The following INTS9 variants were observed in gnomAD, a reference collection of about 807,000 sequenced individuals.
INTS9 encodes the protein protein related to CPSF subunits of 74 kDa.
A neutral mutation model predicts 79.7 loss-of-function variants in INTS9; 55 were observed. The ratio of observed to expected loss-of-function variants is 0.69; its 90% CI spans 0.56 to 0.86. The LOEUF is 0.86. Ranked by LOEUF, INTS9 falls within the 40% of genes least tolerant of loss-of-function variation. INTS9 has a pLI of 0.00. For synonymous variants in INTS9, 319 were observed against 325.2 expected (o/e 0.98, Z 0.20); for missense variants, 721 against 831.5 (o/e 0.87, Z 1.64).
At chr8:28,769,793 G>A (rs1236837967) in intron 16 of INTS9, 96 bp downstream of exon 16, 2 of 1,482,786 alleles carry the variant, frequency 1.3e-6, no homozygotes, top group Non-Finnish European at 1.8e-6. Flanking sequence ...TAAGTGACAA[G>A]CAGCAACATC....
intron 1 of INTS9, among the ~76,000 whole-genome samples, chr8:28,865,064 T>C (rs1178081654): frequency 7.1e-6 from 1 of 141,166 alleles, no homozygotes; most frequent in Admixed American, 7.0e-5. Flanking sequence ...GAAGAAAAAA[T>C]AAAAACAAAA....
At chr8:28,846,031 A>C (rs1024588863) in intron 4 of INTS9, among the ~76,000 whole-genome samples, 2 of 152,242 alleles carry the variant, frequency 1.3e-5, no homozygotes, top group Non-Finnish European at 2.9e-5. Context: ...TATTTTCTAC[A>C]GGCACTGCGA....
At chr8:28,843,097 G>A (rs796541200) in intron 4 of INTS9, among the ~76,000 whole-genome samples, 17 of 152,288 alleles carry the variant, frequency 1.1e-4, no homozygotes, top group African/African-American at 3.9e-4. Context: ...GGTACTTCTC[G>A]ACTTCAGGGA....
At chr8:28,874,289 G>GTT (rs780879321) in intron 1 of INTS9, among the ~76,000 whole-genome samples, 3 of 142,194 alleles carry the variant, frequency 2.1e-5, no homozygotes, top group Admixed American at 7.1e-5. Context: ...TATTTAAACT[G>GTT]TTTTTTTTTT....
chr8:28,789,130 A>C (rs1476886972), intron 10 of INTS9, among the ~76,000 whole-genome samples: 1 of 152,230 alleles, frequency 6.6e-6, no homozygotes, highest in East Asian at 1.9e-4. Flanking sequence ...TATATTATCT[A>C]AATAGACACT....
chr8:28,790,548 G>A (rs1331056755), intron 10 of INTS9, among the ~76,000 whole-genome samples: 1 of 152,036 alleles, frequency 6.6e-6, no homozygotes, highest in African/African-American at 2.4e-5. Flanking sequence ...GGCTGATCTC[G>A]AACTCCTGGC....
chr8:28,826,592 G>A (rs1806160749), intron 6 of INTS9, among the ~76,000 whole-genome samples: 1 of 152,194 alleles, frequency 6.6e-6, no homozygotes, highest in Non-Finnish European at 1.5e-5. Context: ...TCCTGAGTGT[G>A]AGGTAGATCA....
chr8:28,812,262 G>C, intron 8 of INTS9, 65 bp downstream of exon 8: 1 of 1,493,732 alleles, frequency 6.7e-7, no homozygotes, highest in Non-Finnish European at 9.3e-7. Context: ...TGGTTCCTTG[G>C]ATACATTCTG....
At chr8:28,778,848 C>T (rs1803066146) in intron 12 of INTS9, among the ~76,000 whole-genome samples, 1 of 152,182 alleles carries the variant, frequency 6.6e-6, no homozygotes, top group Non-Finnish European at 1.5e-5. Context: ...TACATAAATG[C>T]CCATTCCAGT....
At chr8:28,826,531 G>T (rs1019977503) in intron 6 of INTS9, among the ~76,000 whole-genome samples, 3 of 152,136 alleles carry the variant, frequency 2.0e-5, no homozygotes, top group Non-Finnish European at 4.4e-5. Context: ...TTCTGCCATG[G>T]CTCCAAGTGA....
At chr8:28,869,971 T>G (rs1329825782) in intron 1 of INTS9, among the ~76,000 whole-genome samples, 1 of 151,604 alleles carries the variant, frequency 6.6e-6, no homozygotes, top group Non-Finnish European at 1.5e-5. Context: ...AAAAGCAAAA[T>G]TTCCCCAAGA....
rs556690941 is a variant in INTS9 at position 28,867,447 on chromosome 8, G to A, written c.10-7884C>T. On this transcript the variant is annotated intron_variant, in intron 1 of 16. Coordinates refer to ENST00000521022, the MANE Select transcript of INTS9 (RefSeq NM_018250.4). ...AAAAAAATTAGCCAGGTGTGGTGGC[G>A]TGAGCCTTAATCCCAGCTACTTGGG... Among the ~76,000 whole-genome samples, 4 of 151,528 alleles carry A rather than the reference G, an allele frequency of 2.6e-5. No homozygotes were observed. The East Asian group carries it at 5.8e-4, about 22-fold the overall frequency.
intron 10 of INTS9, 79 bp from the exon 11 acceptor site, chr8:28,787,968 A>G: frequency 1.2e-6 from 1 of 853,430 alleles, no homozygotes; most frequent in Non-Finnish European, 1.9e-6. Flanking sequence ...GCAGCAGTGC[A>G]AATATTAAAT....
At chr8:28,784,553 T>G (rs1371802364) in intron 11 of INTS9, among the ~76,000 whole-genome samples, 1 of 152,228 alleles carries the variant, frequency 6.6e-6, no homozygotes, top group African/African-American at 2.4e-5. Flanking sequence ...CTTTACAGTA[T>G]GAAAACAGCA....
chr8:28,773,319 C>T (rs559256174), intron 14 of INTS9, among the ~76,000 whole-genome samples: 8 of 151,810 alleles, frequency 5.3e-5, no homozygotes, highest in Non-Finnish European at 1.2e-4. Context: ...AAAAAATTAG[C>T]TGGGCATGGT....
chr8:28,850,160 G>T, intron 3 of INTS9, 53 bp downstream of exon 3: 1 of 1,459,316 alleles, frequency 6.9e-7, no homozygotes, highest in Non-Finnish European at 9.6e-7. Flanking sequence ...GGTATGAGAA[G>T]ATAGCTTTCC....
At chr8:28,769,101 G>A (rs1254871134) in intron 16 of INTS9, among the ~76,000 whole-genome samples, 1 of 152,224 alleles carries the variant, frequency 6.6e-6, no homozygotes, top group African/African-American at 2.4e-5. Flanking sequence ...CACCCAGCCA[G>A]AGCCTTTTTC....
chr8:28,848,755 C>T (rs888379767), intron 3 of INTS9, among the ~76,000 whole-genome samples: 3 of 152,196 alleles, frequency 2.0e-5, no homozygotes, highest in African/African-American at 7.2e-5. Context: ...GGCTCTCATC[C>T]TTCCCGGCCT....
At position 28,771,797 on chromosome 8, in the gene INTS9, G is replaced by C. The variant is rs1307899614; in HGVS notation, c.1564-717C>G. On this transcript the variant is annotated intron_variant, in intron 14 of 16. Coordinates refer to ENST00000521022, the MANE Select transcript of INTS9 (RefSeq NM_018250.4). The stretch of plus-strand genomic sequence containing the variant: ...CTCCCTGCACAAGGCTGGGGTGGGA[G>C]CTTTGGGGATGGCGTTCTGCGCTCT... 5.3e-5 allele frequency among the ~76,000 whole-genome samples: 8 copies of C among 152,340 alleles called. No homozygotes were observed. In the East Asian group the frequency reaches 1.5e-3, roughly 29 times the overall value.
Sources: gnomAD v4.1 joint callset for allele counts (sites outside exome capture counted in the v4.1 genomes callset) on GRCh38, gnomAD v4.1.1 for gene constraint, MANE v1.5 for transcripts, NCBI Gene and HGNC (gene_info 2026-07-23, HGNC 2026-07-21) for gene names.